MID2: variants seen among roughly 807,000 people sequenced by gnomAD.
The protein encoded by MID2 is midline 2, also known as probable E3 ubiquitin-protein ligase MID2.
Under a neutral mutation model 46.1 loss-of-function variants are expected in MID2, and 13 were observed. The observed-to-expected ratio is 0.28, with a 90% CI of 0.18 to 0.45. MID2 has a LOEUF of 0.45. Ranked by LOEUF, MID2 falls within the 20% of genes least tolerant of loss-of-function variation. The probability of loss-of-function intolerance (pLI) is 1.00; values close to 1 mark genes in which losing one functional copy is unlikely to be tolerated. For synonymous variants in MID2, 199 were observed against 212.3 expected, an observed-to-expected ratio of 0.94 and a Z score of 0.55; for missense variants, 431 against 575.4, an observed-to-expected ratio of 0.75 and a Z score of 2.57.
Position 107,926,221 on chromosome X carries a change from A to G in MID2, c.1725A>G (p.Thr575=), listed in dbSNP as rs1256457923. 5.0e-6 allele frequency: 6 copies of G among 1,210,556 alleles called. No homozygotes were observed. In the Admixed American group the frequency reaches 1.3e-4, roughly 26 times the overall value. Residue 575 remains threonine (T), a synonymous_variant, in exon 9 of 10, where the codon ACA becomes ACG. Transcript: ENST00000262843. Reference sequence around the variant, plus strand: ...ACACCCCAGAGAGGTTTAGTGGCACAGGGTGCTATGGGGCAGCAGGAAATA... The same window carrying G: ...ACACCCCAGAGAGGTTTAGTGGCACGGGGTGCTATGGGGCAGCAGGAAATA... The part of the protein sequence containing the change: ...KSHTPERFSG[T]GCYGAAGNIF...
intron 3 of MID2, among the ~76,000 whole-genome samples, chrX:107,868,953 A>G: frequency 9.0e-6 from 1 of 110,862 alleles, no homozygotes; most frequent in South Asian, 3.8e-4. Flanking sequence ...GAGATAATAT[A>G]TATTATTAAC....
chrX:107,853,205 C>T (rs1931668287), intron 2 of MID2, among the ~76,000 whole-genome samples: 1 of 112,126 alleles, frequency 8.9e-6, no homozygotes, highest in Non-Finnish European at 1.9e-5. Flanking sequence ...GTTGTAACAA[C>T]ATTATATTCA....
intron 3 of MID2, among the ~76,000 whole-genome samples, chrX:107,870,753 CTTT>C (rs59717985): frequency 5.4e-5 from 4 of 74,236 alleles, no homozygotes; most frequent in Non-Finnish European, 8.0e-5. Flanking sequence ...CAAATTGCGG[CTTT>C]TTTTTTTTTT....
intron 1 of MID2, among the ~76,000 whole-genome samples, chrX:107,833,839 G>C (rs1931145293): frequency 1.8e-5 from 2 of 110,932 alleles, no homozygotes; most frequent in Admixed American, 9.6e-5. Context: ...TGTCACCCAG[G>C]ATGGAATACA....
At chrX:107,923,280 T>G (rs1471818441) in intron 7 of MID2, among the ~76,000 whole-genome samples, 1 of 112,240 alleles carries the variant, frequency 8.9e-6, no homozygotes, top group African/African-American at 3.2e-5. Context: ...GAACTGTGGC[T>G]AAAAAGTGGT....
chrX:107,851,746 T>G (rs1449507520), intron 2 of MID2, among the ~76,000 whole-genome samples: 4 of 111,447 alleles, frequency 3.6e-5, no homozygotes, highest in Non-Finnish European at 5.7e-5. Context: ...TAACAGGACT[T>G]TGGTCTCCAT....
intron 2 of MID2, among the ~76,000 whole-genome samples, chrX:107,847,463 C>T (rs756788955): frequency 6.3e-5 from 7 of 111,079 alleles, no homozygotes; most frequent in Non-Finnish European, 1.1e-4. Context: ...AGAGTCCATG[C>T]GGAAAGAATT....
chrX:107,925,474 C>T (rs1933156649), intron 8 of MID2, among the ~76,000 whole-genome samples: 1 of 111,962 alleles, frequency 8.9e-6, no homozygotes, highest in Non-Finnish European at 1.9e-5. Context: ...AATGTTTTCT[C>T]TGATCATTGA....
chrX:107,888,578 A>G (rs1329118008), intron 3 of MID2, among the ~76,000 whole-genome samples: 1 of 112,185 alleles, frequency 8.9e-6, no homozygotes, highest in Non-Finnish European at 1.9e-5. Flanking sequence ...GGTGCTGAAA[A>G]GAATGTATAT....
intron 1 of MID2, among the ~76,000 whole-genome samples, chrX:107,827,018 G>C (rs1179721203): frequency 1.8e-5 from 2 of 112,771 alleles, no homozygotes; most frequent in Non-Finnish European, 3.8e-5. Flanking sequence ...TCAGCTCTGT[G>C]GGGGAGAGGG....
chrX:107,908,907 A>G (rs1470943719), intron 5 of MID2, among the ~76,000 whole-genome samples: 1 of 111,499 alleles, frequency 9.0e-6, no homozygotes, highest in Admixed American at 9.5e-5. Context: ...CTTTCTGAAC[A>G]TATGGAATAC....
chrX:107,880,406 G>A (rs1932293530), intron 3 of MID2, among the ~76,000 whole-genome samples: 1 of 111,509 alleles, frequency 9.0e-6, no homozygotes, highest in African/African-American at 3.3e-5. Flanking sequence ...ACTAGAATGA[G>A]TCACTGTGCC....
At chrX:107,922,700 G>A (rs1295525736) in intron 7 of MID2, among the ~76,000 whole-genome samples, 1 of 111,684 alleles carries the variant, frequency 9.0e-6, no homozygotes, top group Non-Finnish European at 1.9e-5. Flanking sequence ...TCTCAAAAAA[G>A]TAGTGTACTG....
chrX:107,887,593 G>A (rs1488286935), intron 3 of MID2, among the ~76,000 whole-genome samples: 1 of 111,224 alleles, frequency 9.0e-6, no homozygotes. Flanking sequence ...CTCTTTTTTT[G>A]TTGTGTCTCT....
At chrX:107,866,182 C>T (rs1931951789) in intron 3 of MID2, among the ~76,000 whole-genome samples, 1 of 111,772 alleles carries the variant, frequency 8.9e-6, no homozygotes, top group African/African-American at 3.3e-5. Context: ...CAATTGCCAC[C>T]CACTCAACAG....
chrX:107,826,625 TCA>T (rs1203471250), intron 1 of MID2, among the ~76,000 whole-genome samples, 195 bp downstream of exon 1: 1 of 112,513 alleles, frequency 8.9e-6, no homozygotes, highest in Non-Finnish European at 1.9e-5. Context: ...GCTCCGGCTC[TCA>T]GTCATGCTGT....
chrX:107,828,838 T>C (rs1462739581), intron 1 of MID2, among the ~76,000 whole-genome samples: 13 of 112,397 alleles, frequency 1.2e-4, no homozygotes, highest in Non-Finnish European at 1.5e-4. Context: ...AGTCTTGACT[T>C]GGTCCTTTGA....
intron 2 of MID2, among the ~76,000 whole-genome samples, chrX:107,844,746 A>G (rs1931423593): frequency 9.3e-6 from 1 of 108,016 alleles, no homozygotes; most frequent in African/African-American, 3.5e-5. Context: ...TCCTGTCTGC[A>G]AAATATACCA....
intron 3 of MID2, among the ~76,000 whole-genome samples, chrX:107,892,884 T>C (rs977004491): frequency 2.7e-5 from 3 of 112,713 alleles, no homozygotes; most frequent in African/African-American, 9.7e-5. Flanking sequence ...AAACCTCTTT[T>C]GTAGCACTCC....
Sources: gnomAD v4.1 joint callset for allele counts (sites outside exome capture counted in the v4.1 genomes callset) on GRCh38, gnomAD v4.1.1 for gene constraint, MANE v1.5 for transcripts, NCBI Gene and HGNC (gene_info 2026-07-23, HGNC 2026-07-21) for gene names.